UGGT2: variants seen among roughly 807,000 people sequenced by gnomAD.
UGGT2 encodes UDP-glucose:glycoprotein glucosyltransferase 2.
A neutral mutation model predicts 192.1 loss-of-function variants in UGGT2; 180 were observed. The ratio of observed to expected loss-of-function variants is 0.94; its 90% CI spans 0.83 to 1.06. The LOEUF (loss-of-function observed/expected upper bound fraction) is 1.06. Among genes scored for constraint, UGGT2 ranks in the 50% least tolerant of loss-of-function variants. The probability of loss-of-function intolerance (pLI) is 0.00; values close to 1 mark genes in which losing one functional copy is unlikely to be tolerated. For missense variants in UGGT2, 1,849 were observed against 1,795.7 expected (o/e 1.03, Z -0.54); for synonymous variants, 580 against 591.0 (o/e 0.98, Z 0.27).
At chr13:95,851,934 C>T (rs1889092606) in intron 36 of UGGT2, among the ~76,000 whole-genome samples, 1 of 151,936 alleles carries the variant, frequency 6.6e-6, no homozygotes, top group Non-Finnish European at 1.5e-5. Context: ...TAAGAATTAC[C>T]AAAAATGTAT....
At chr13:95,823,426 T>C (rs962124766) in intron 38 of UGGT2, among the ~76,000 whole-genome samples, 3 of 152,116 alleles carry the variant, frequency 2.0e-5, no homozygotes, top group Admixed American at 6.6e-5. Flanking sequence ...AGTAACTGTT[T>C]TATAAATATG....
intron 1 of UGGT2, among the ~76,000 whole-genome samples, chr13:96,034,507 A>G (rs942326764): frequency 6.6e-6 from 1 of 152,240 alleles, no homozygotes; most frequent in Non-Finnish European, 1.5e-5. Flanking sequence ...GAGCTGTAAC[A>G]TGAACAGGGC....
At chr13:95,940,143 T>C in intron 15 of UGGT2, 52 bp from the exon 16 acceptor site, 1 of 1,331,944 alleles carries the variant, frequency 7.5e-7, no homozygotes, top group South Asian at 1.6e-5. Flanking sequence ...CAATTAGTTT[T>C]CTTTTTTTTC....
At chr13:95,868,825 C>T (rs2140121082) in intron 29 of UGGT2, among the ~76,000 whole-genome samples, 1 of 152,188 alleles carries the variant, frequency 6.6e-6, no homozygotes, top group African/African-American at 2.4e-5. Context: ...TCTCTTTCCA[C>T]TTCCATCAGG....
At chr13:95,891,038 A>G (rs942648386) in intron 24 of UGGT2, 74 bp from the exon 25 acceptor site, 5 of 1,031,120 alleles carry the variant, frequency 4.8e-6, no homozygotes, top group Non-Finnish European at 7.0e-6. Flanking sequence ...TCTTAGCTAT[A>G]TAATTCTTAT....
rs138926882 is a variant in UGGT2 at position 95,932,306 on chromosome 13, T to C, written c.1977+4618A>G. Among the ~76,000 whole-genome samples the C allele has an allele frequency of 4.5e-4, 62 of 136,316 alleles. 1 individual carries two copies. The highest frequency in any genetic ancestry group is 1.6e-3 in the African/African-American group (60 of 36,760). The allele number at this position is 136,316 out of a possible 152,430, so 89.4% of individuals were successfully genotyped here. A position where few individuals can be genotyped will look rare whatever the true frequency, so the allele number is the denominator to read the frequency against. ...CTTAGTTAGCTGTATTCCTAGGTAT[T>C]TTATTTGTGTGTGTGTGTGTGTGTG... On this transcript the variant is annotated intron_variant, in intron 17 of 38. Transcript: ENST00000376747.
At chr13:96,034,044 C>G (rs1331681638) in intron 1 of UGGT2, among the ~76,000 whole-genome samples, 1 of 152,172 alleles carries the variant, frequency 6.6e-6, no homozygotes, top group Non-Finnish European at 1.5e-5. Context: ...TCCCGGCCTA[C>G]CCAGGGCCTC....
At chr13:95,923,222 T>A (rs980949278) in intron 20 of UGGT2, among the ~76,000 whole-genome samples, 5 of 151,986 alleles carry the variant, frequency 3.3e-5, no homozygotes, top group Non-Finnish European at 4.4e-5. Context: ...TGGCTAATTG[T>A]TTTTAAAAAA....
At chr13:95,881,803 T>C (rs1427016601) in intron 27 of UGGT2, among the ~76,000 whole-genome samples, 1 of 152,184 alleles carries the variant, frequency 6.6e-6, no homozygotes, top group Non-Finnish European at 1.5e-5. Flanking sequence ...CTTTCATATA[T>C]ATGCTGTGAT....
chr13:95,991,990 C>A (rs2051472630), intron 7 of UGGT2, among the ~76,000 whole-genome samples: 1 of 151,986 alleles, frequency 6.6e-6, no homozygotes, highest in Admixed American at 6.6e-5. Flanking sequence ...TGGTGAAACC[C>A]CATCTCTACT....
intron 19 of UGGT2, 85 bp from the exon 20 acceptor site, chr13:95,925,859 TAAA>T (rs373496312): frequency 2.6e-6 from 2 of 779,926 alleles, no homozygotes; most frequent in Non-Finnish European, 3.8e-6. Flanking sequence ...GTTAACACAT[TAAA>T]AAAAATTAAA....
At chr13:95,867,201 A>T in intron 30 of UGGT2, 138 bp downstream of exon 30, 1 of 731,316 alleles carries the variant, frequency 1.4e-6, no homozygotes, top group Non-Finnish European at 2.2e-6. Context: ...TTCTTTTTTT[A>T]CTGCTGGAGT....
At chr13:96,022,260 T>C (rs983540084) in intron 4 of UGGT2, among the ~76,000 whole-genome samples, 1 of 151,958 alleles carries the variant, frequency 6.6e-6, no homozygotes, top group African/African-American at 2.4e-5. Flanking sequence ...AAAAGTTTAA[T>C]GTAAAATAAA....
intron 38 of UGGT2, among the ~76,000 whole-genome samples, chr13:95,806,146 G>C (rs1304501397): frequency 1.3e-5 from 2 of 149,282 alleles, no homozygotes; most frequent in Admixed American, 1.3e-4. Context: ...ATAAAAAAAA[G>C]TGATCAGGGA....
chr13:96,049,819 A>G (rs191488682), intron 1 of UGGT2, among the ~76,000 whole-genome samples: 19 of 152,270 alleles, frequency 1.2e-4, no homozygotes, highest in Admixed American at 3.3e-4. Context: ...ACTGCTCAAA[A>G]AAATAAAAGA....
chr13:95,927,869 TAACG>T (rs921706953), intron 17 of UGGT2, among the ~76,000 whole-genome samples: 9 of 152,152 alleles, frequency 5.9e-5, no homozygotes, highest in Admixed American at 1.3e-4. Context: ...TGATGACTCT[TAACG>T]AACATGCTGC....
chr13:95,883,188 A>G (rs1471335353), intron 27 of UGGT2, among the ~76,000 whole-genome samples: 3 of 152,202 alleles, frequency 2.0e-5, no homozygotes, highest in Non-Finnish European at 4.4e-5. Context: ...ATCAAAATAA[A>G]CTTTCCTAGA....
At chr13:95,879,566 G>A (rs897894952) in intron 27 of UGGT2, among the ~76,000 whole-genome samples, 1 of 152,166 alleles carries the variant, frequency 6.6e-6, no homozygotes, top group Admixed American at 6.5e-5. Context: ...CTCCCGAGTA[G>A]CTAGGATTAC....
intron 16 of UGGT2, 44 bp downstream of exon 16, chr13:95,939,911 CTT>C (rs2049607347): frequency 1.4e-6 from 2 of 1,460,412 alleles, no homozygotes; most frequent in Non-Finnish European, 1.9e-6. Flanking sequence ...TGGTGTTTGT[CTT>C]TCTGTGCCTG....
Sources: gnomAD v4.1 joint callset for allele counts (sites outside exome capture counted in the v4.1 genomes callset) on GRCh38, gnomAD v4.1.1 for gene constraint, MANE v1.5 for transcripts, NCBI Gene and HGNC (gene_info 2026-07-23, HGNC 2026-07-21) for gene names.